The following RPL4 variants were observed in gnomAD, a reference collection of about 807,000 sequenced individuals.
RPL4 encodes the protein large ribosomal subunit protein uL4.
RPL4 carries 3 observed loss-of-function variants against 47.7 expected under a neutral mutation model. The observed-to-expected ratio is 0.06, with a 90% CI of 0.03 to 0.16. The LOEUF (loss-of-function observed/expected upper bound fraction) is 0.16, where lower values mean the gene tolerates loss of function less well. Ranked by LOEUF, RPL4 falls within the 10% of genes least tolerant of loss-of-function variation. The pLI is 1.00. For missense variants in RPL4, 413 were observed against 551.3 expected, an observed-to-expected ratio of 0.75 and a Z score of 2.51; for synonymous variants, 208 against 182.1, an observed-to-expected ratio of 1.14 and a Z score of -1.15.
chr15:66,502,997 A>G (rs1893654210), intron 3 of RPL4, 61 bp downstream of exon 3: 1 of 1,500,822 alleles, frequency 6.7e-7, no homozygotes, highest in Non-Finnish European at 9.2e-7. Context: ...TCAATAAACC[A>G]GACCCAGGCC....
chr15:66,500,433 G>T, intron 7 of RPL4, 57 bp from the exon 8 acceptor site: 1 of 1,446,024 alleles, frequency 6.9e-7, no homozygotes, highest in Non-Finnish European at 9.7e-7. Context: ...AGAACAGGAA[G>T]CTCAACTGAA....
At position 66,502,129 on chromosome 15, in the gene RPL4, G is replaced by A. The variant is rs995866336; in HGVS notation, c.422-217C>T. 3 of 701,532 alleles carry A rather than the reference G, an allele frequency of 4.3e-6. No individual in the cohort carries two copies. The African/African-American group carries it at 5.3e-5, about 12-fold the overall frequency. The allele number at this position is 701,532 out of a possible 1,614,324, so 43.5% of individuals were successfully genotyped here. ...AATGCGATGGGTACGCAACAGGCAA[G>A]TTTAAGTTGGAAGTTTTCTAAGGAT... is the stretch of plus-strand genomic sequence containing the variant. On this transcript the variant is annotated intron_variant, in intron 4 of 9. Coordinates refer to ENST00000307961, the MANE Select transcript of RPL4 (RefSeq NM_000968.4).
intron 7 of RPL4, chr15:66,500,722 C>CAGTA: frequency 3.5e-6 from 2 of 578,482 alleles, no homozygotes; most frequent in Non-Finnish European, 6.0e-6. Flanking sequence ...GCGGAGGCTG[C>CAGTA]AGTAAGCCAC....
At chr15:66,502,512 C>G (rs943271026) in intron 4 of RPL4, 100 bp downstream of exon 4, 18 of 1,217,028 alleles carry the variant, frequency 1.5e-5, no homozygotes, top group Admixed American at 1.3e-4. Context: ...CTCTTCTAGC[C>G]ATCTTGAAAT....
At position 66,504,773 on chromosome 15, in the gene RPL4, A is replaced by C. The variant is rs1270815735; in HGVS notation, c.3+15T>G. 1 of 1,612,168 alleles carries C rather than the reference A, an allele frequency of 6.2e-7. No homozygotes were observed. The highest frequency in any genetic ancestry group is 2.2e-5 in the East Asian group (1 of 44,866). ...GAGATACGGGGTAAGGCCAGCCAAG[A>C]GAACTTCCACTCACCATGGCGGAGA... On this transcript the variant is annotated intron_variant, in intron 1 of 9. Transcript: ENST00000307961.
intron 3 of RPL4, 78 bp downstream of exon 3, chr15:66,502,980 A>T: frequency 7.2e-7 from 1 of 1,395,196 alleles, no homozygotes; most frequent in Non-Finnish European, 1.0e-6. Context: ...TTTACACCGT[A>T]TTATCATCAA....
chr15:66,500,268 A>G (rs1036158204), intron 8 of RPL4, 25 bp downstream of exon 8: 2 of 1,613,954 alleles, frequency 1.2e-6, no homozygotes, highest in Non-Finnish European at 1.7e-6. Context: ...TTGGGGCGAG[A>G]ATTACACTCT....
In RPL4 at chr15:66,499,516, T is replaced by A; in HGVS notation, c.1175A>T (p.Gln392Leu). ...GKKAAVGVKK[Q>L]KKPLVGKKAA... ...CTTTTTTCCCACCAGAGGCTTCTTCTGCTTCTTAACACCAACAGCAGCCTT... is the reference window on the plus strand; with the variant it reads ...CTTTTTTCCCACCAGAGGCTTCTTCAGCTTCTTAACACCAACAGCAGCCTT... Residue 392 changes from glutamine to leucine, a missense_variant, in exon 10 of 10, where the codon CAG becomes CTG. Physicochemically the swap from Gln to Leu is moderately radical, Grantham distance 113. Around this residue, in one of 4 missense-constraint regions of RPL4, gnomAD observed 134 missense variants for 122.7 expected, o/e 1.09. Transcript: ENST00000307961. 1 of 1,612,512 alleles carries A rather than the reference T, an allele frequency of 6.2e-7. No homozygotes were observed. The highest frequency in any genetic ancestry group is 8.5e-7 in the Non-Finnish European group (1 of 1,179,852).
At chr15:66,504,245 G>A (rs911190306) in intron 1 of RPL4, among the ~76,000 whole-genome samples, 2 of 152,016 alleles carry the variant, frequency 1.3e-5, no homozygotes, top group Non-Finnish European at 2.9e-5. Flanking sequence ...ATATTACTAC[G>A]TATTTAGTCC....
chr15:66,500,761 G>T, intron 7 of RPL4, 188 bp downstream of exon 7: 1 of 668,520 alleles, frequency 1.5e-6, no homozygotes, highest in South Asian at 2.0e-5. Flanking sequence ...CAGCGTGGGT[G>T]AGACAGAACA....
intron 1 of RPL4, 44 bp downstream of exon 1, chr15:66,504,744 C>G: frequency 6.2e-7 from 1 of 1,609,028 alleles, no homozygotes; most frequent in Non-Finnish European, 8.5e-7. Context: ...TCCTTACTGG[C>G]CCCGAGATAC....
At position 66,504,841 on chromosome 15, in the gene RPL4, GA is replaced by G. The variant is rs1567036552; in HGVS notation, c.-52del. On this transcript the variant is annotated 5_prime_UTR_variant, in exon 1 of 10. Coordinates refer to ENST00000307961, the MANE Select transcript of RPL4 (RefSeq NM_000968.4). ...CCTCTCAGCCCGGCTGCTGCCACAG[GA>G]AAAGGAAGTGCTTACCACTCCCGCT... is the stretch of plus-strand genomic sequence containing the variant. 6.2e-7 allele frequency: 1 copy of G among 1,606,308 alleles called. No homozygotes were observed.
chr15:66,504,767 G>A (rs372621386), intron 1 of RPL4, 21 bp downstream of exon 1: 3 of 1,611,824 alleles, frequency 1.9e-6, no homozygotes, highest in Admixed American at 3.3e-5. Context: ...GGTAAGGCCA[G>A]CCAAGAGAAC....
rs1325085346 is a variant in RPL4 at position 66,503,067 on chromosome 15, A to G, written c.273T>C (p.Ala91=). 4 of 1,612,566 alleles carry G rather than the reference A, an allele frequency of 2.5e-6. No homozygotes were observed. In the South Asian group the frequency reaches 3.3e-5, roughly 13 times the overall value. ...GTGAAACAAAGGATACGTTTCCAAA[A>G]GCACCCTGGCCAGAGCGGTGAGTCC... ...GGGTHRSGQG[A]FGNMCRGGRM... The change falls in exon 3 of 10, where the codon GCT becomes GCC. Residue 91 remains alanine (A), a synonymous_variant. Transcript: ENST00000307961.
In RPL4 at chr15:66,500,046, C is replaced by A. The variant is rs1446757424; in HGVS notation, c.1038+10G>T. ...TCAAAAACAAACAAACAAACAAAAA[C>A]TCCACTCACATTCCTGGCCTGGCGA... On this transcript the variant is annotated intron_variant, in intron 9 of 9. Transcript: ENST00000307961. 1 of 1,611,338 alleles carries A rather than the reference C, an allele frequency of 6.2e-7. No homozygotes were observed. The highest frequency in any genetic ancestry group is 8.5e-7 in the Non-Finnish European group (1 of 1,179,732).
Position 66,500,093 on chromosome 15 carries a change from G to C in RPL4, c.1001C>G (p.Thr334Ser), listed in dbSNP as rs768080311. Reference protein sequence around the residue: ...IMLKLNPYAKTMRRNTILRQA... With the variant: ...IMLKLNPYAKSMRRNTILRQA... Reference sequence around the variant, plus strand: ...GCGAAGAATGGTGTTCCGGCGCATGGTCTTTGCATATGGGTTTAGCTTCAA... The same window carrying C: ...GCGAAGAATGGTGTTCCGGCGCATGCTCTTTGCATATGGGTTTAGCTTCAA... The change falls in exon 9 of 10, where the codon ACC becomes AGC. Residue 334 changes from threonine to serine, a missense_variant. By Grantham distance (58) the Thr-to-Ser change is moderately conservative. Coordinates refer to ENST00000307961, the MANE Select transcript of RPL4 (RefSeq NM_000968.4). 6 of 1,612,196 alleles carry C rather than the reference G, an allele frequency of 3.7e-6. No individual in the cohort carries two copies. The highest frequency in any genetic ancestry group is 5.1e-6 in the Non-Finnish European group (6 of 1,179,870).
chr15:66,499,538 C>A lies in RPL4; in HGVS notation c.1153G>T (p.Ala385Ser), dbSNP rs573314657. The A allele has an allele frequency of 6.2e-7, 1 of 1,613,262 alleles. No homozygotes were observed. Among genetic ancestry groups the A allele is most frequent in the East Asian group, 2.2e-5 (1 of 44,886 alleles). Residue 385 changes from alanine to serine, a missense_variant, in exon 10 of 10, where the codon GCT becomes TCT. Around this residue, in one of 4 missense-constraint regions of RPL4, gnomAD observed 134 missense variants for 122.7 expected, o/e 1.09. Coordinates refer to ENST00000307961, the MANE Select transcript of RPL4 (RefSeq NM_000968.4). The part of the protein sequence containing the change: ...KPVVGKKGKK[A>S]AVGVKKQKKP... ...TTCTGCTTCTTAACACCAACAGCAG[C>A]CTTCTTTCCTTTCTTACCTACCACA...
At position 66,502,755 on chromosome 15, in the gene RPL4, T is replaced by G; in HGVS notation, c.283-5A>C. On this transcript the variant is annotated splice_region_variant and splice_polypyrimidine_tract_variant and intron_variant, in intron 3 of 9. Coordinates refer to ENST00000307961, the MANE Select transcript of RPL4 (RefSeq NM_000968.4). ...CATTCGGCCTCCACGACACATCTATTTTTCCAGTCAAGAATCACATTTCTC... is the reference window on the plus strand; with the variant it reads ...CATTCGGCCTCCACGACACATCTATGTTTCCAGTCAAGAATCACATTTCTC... The G allele has an allele frequency of 6.2e-7, 1 of 1,614,168 alleles. No individual in the cohort carries two copies.
Position 66,502,591 on chromosome 15 carries a change from CTT to C in RPL4, c.421+19_421+20del, listed in dbSNP as rs748488645. 12 of 1,607,694 alleles carry C rather than the reference CTT, an allele frequency of 7.5e-6. No individual in the cohort carries two copies. The highest frequency in any genetic ancestry group is 1.3e-5 in the African/African-American group (1 of 74,606). ...TGTCTTATTTCTTCTATCAAACTCT[CTT>C]ATATAAAGTATTACAAACCTTTAGA... On this transcript the variant is annotated intron_variant, in intron 4 of 9. Coordinates refer to ENST00000307961, the MANE Select transcript of RPL4 (RefSeq NM_000968.4).
Sources: allele counts gnomAD v4.1 joint callset (sites outside exome capture counted in the v4.1 genomes callset), GRCh38; gene constraint gnomAD v4.1.1; regional missense constraint gnomAD v4.1.1; transcripts MANE v1.5; gene names NCBI Gene and HGNC (gene_info 2026-07-23, HGNC 2026-07-21).